The following CSF2RA variants were observed in gnomAD, a reference collection of about 807,000 sequenced individuals.
CSF2RA encodes the protein colony stimulating factor 2 receptor subunit alpha, also known as granulocyte-macrophage colony-stimulating factor receptor subunit alpha.
CSF2RA carries 42 observed loss-of-function variants against 51.6 expected under a neutral mutation model. The observed-to-expected ratio is 0.81, with a 90% CI of 0.64 to 1.05. The LOEUF is 1.05. CSF2RA is among the 50% of genes least tolerant of loss of function. The pLI is 0.00. For missense variants in CSF2RA, 530 were observed against 501.1 expected (o/e 1.06, Z -0.55); for synonymous variants, 222 against 193.0 (o/e 1.15, Z -1.24).
rs2088110664 is a variant in CSF2RA, at chrX:1,269,653, AAAAGAG to A, written c.-91+776_-91+781del. Among the ~76,000 whole-genome samples the A allele has an allele frequency of 4.3e-3, 165 of 38,234 alleles. 4 individuals are homozygous for A. The highest frequency in any genetic ancestry group is 0.011 in the Middle Eastern group (1 of 90). The allele number at this position is 38,234 out of a possible 152,430, so 25.1% of individuals were successfully genotyped here. ...AAAGAAAAAGAAAAAAAAAGAGATG[AAAAGAG>A]ATGAACGCAGAGCTGAAAGGGGGAG... On this transcript the variant is annotated intron_variant, in intron 1 of 12. Transcript: ENST00000381529.
chrX:1,289,879 TTTGTG>T (rs2091197104), intron 6 of CSF2RA, among the ~76,000 whole-genome samples: 1 of 143,710 alleles, frequency 7.0e-6, no homozygotes, highest in African/African-American at 2.5e-5. Flanking sequence ...GTTTTGTGTT[TTTGTG>T]TTTTGTTTTG....
At chrX:1,272,013 G>A (rs1410047163) in intron 1 of CSF2RA, among the ~76,000 whole-genome samples, 2 of 150,874 alleles carry the variant, frequency 1.3e-5, no homozygotes, top group African/African-American at 4.9e-5. Flanking sequence ...GAGTGCACTG[G>A]CATGATCTCG....
In CSF2RA at chrX:1,274,796, C is replaced by T. The variant is rs747112437; in HGVS notation, c.-49C>T. ...CCGTGGAGACAGCAGATCCGAGAAGCGGCGATGTTTGCGTAGAACCCTGTA... is the reference window on the plus strand; with the variant it reads ...CCGTGGAGACAGCAGATCCGAGAAGTGGCGATGTTTGCGTAGAACCCTGTA... On this transcript the variant is annotated 5_prime_UTR_variant, in exon 2 of 13. Transcript: ENST00000381529. 3 of 453,432 alleles carry T rather than the reference C, an allele frequency of 6.6e-6. No homozygotes were observed. Among genetic ancestry groups the T allele is most frequent in the East Asian group, 1.4e-4 (2 of 14,270 alleles). The allele number at this position is 453,432 out of a possible 1,614,324, so 28.1% of individuals were successfully genotyped here.
chrX:1,281,078 C>T (rs868020811), intron 2 of CSF2RA, among the ~76,000 whole-genome samples: 58 of 78,230 alleles, frequency 7.4e-4, no homozygotes, highest in African/African-American at 3.2e-3. Flanking sequence ...TCTCCTCCTC[C>T]TCCTTCTCCT....
downstream of CSF2RA, among the ~76,000 whole-genome samples, chrX:1,311,441 G>GT (rs1178834290): frequency 4.5e-4 from 21 of 46,324 alleles, no homozygotes; most frequent in Admixed American, 1.0e-3. Flanking sequence ...AAACCTGTTT[G>GT]TTTTTTTTTT....
At chrX:1,304,994 A>G (rs1397668687) in intron 11 of CSF2RA, among the ~76,000 whole-genome samples, 11 of 133,012 alleles carry the variant, frequency 8.3e-5, no homozygotes, top group Admixed American at 7.9e-4. Context: ...TCATTTGGTG[A>G]TTTTTTTTTG....
intron 12 of CSF2RA, among the ~76,000 whole-genome samples, chrX:1,306,902 A>T (rs1444096577): frequency 6.6e-6 from 1 of 150,654 alleles, no homozygotes; most frequent in East Asian, 1.9e-4. Context: ...AGAGCAAGGG[A>T]TGGGAGTGGA....
At chrX:1,315,529 G>C in the CSF2RA span, among the ~76,000 whole-genome samples, 40 of 152,090 alleles carry the variant, frequency 2.6e-4, no homozygotes, top group African/African-American at 8.9e-4. Context: ...TCAGCCTCTT[G>C]AGTAGCTGAG....
intron 2 of CSF2RA, among the ~76,000 whole-genome samples, 187 bp downstream of exon 2, chrX:1,275,005 A>G: frequency 6.6e-6 from 1 of 151,382 alleles, no homozygotes; most frequent in South Asian, 2.1e-4. Context: ...GTTCCCTCTG[A>G]GACAGTACAC....
chrX:1,269,252 G>A (rs1295291623), intron 1 of CSF2RA, among the ~76,000 whole-genome samples: 1 of 152,174 alleles, frequency 6.6e-6, no homozygotes, highest in African/African-American at 2.4e-5. Context: ...AAGCTACAGG[G>A]CGTTGGGGTG....
downstream of CSF2RA, among the ~76,000 whole-genome samples, chrX:1,314,982 T>TGTGCCTGCCCAAC (rs1569515181): frequency 1.1e-4 from 4 of 37,622 alleles, no homozygotes; most frequent in South Asian, 9.0e-4. Flanking sequence ...GCCTGCCCAA[T>TGTGCCTGCCCAAC]CGCACTGCAC....
At chrX:1,285,713 AAAAAAAAAAAAAAAAAAAG>A in intron 3 of CSF2RA, 46 bp from the exon 4 acceptor site, 19 of 1,033,292 alleles carry the variant, frequency 1.8e-5, no homozygotes, top group Non-Finnish European at 2.1e-5. Flanking sequence ...AAAAAAAAAA[AAAAAAAAAAAAAAAAAAAG>A]GAAAAGAAAA....
At chrX:1,300,372 A>C in intron 9 of CSF2RA, 119 bp from the exon 10 acceptor site, 1 of 1,293,932 alleles carries the variant, frequency 7.7e-7, no homozygotes, top group East Asian at 2.3e-5. Context: ...GTAGAAAAAA[A>C]AGAAGAAAAA....
chrX:1,316,217 GTAGA>G, the CSF2RA span, among the ~76,000 whole-genome samples: 553 of 124,676 alleles, frequency 4.4e-3, 4 homozygotes, highest in African/African-American at 9.8e-3. Context: ...AGATACATAG[GTAGA>G]TAGATAGATG....
chrX:1,268,943 G>T (rs1203704522), intron 1 of CSF2RA, 64 bp downstream of exon 1: 6 of 452,644 alleles, frequency 1.3e-5, no homozygotes, highest in Non-Finnish European at 2.2e-5. Context: ...ACATGTTTCT[G>T]CTGTGTCTGT....
Position 1,284,821 on chromosome X carries a change from T to C in CSF2RA, c.77-957T>C, listed in dbSNP as rs1459547450. 7.2e-5 allele frequency among the ~76,000 whole-genome samples: 11 copies of C among 152,028 alleles called. No homozygotes were observed. The South Asian group carries it at 2.1e-3, about 29-fold the overall frequency. On this transcript the variant is annotated intron_variant, in intron 3 of 12. Coordinates refer to ENST00000381529, the MANE Select transcript of CSF2RA (RefSeq NM_172245.4). The stretch of plus-strand genomic sequence containing the variant: ...CTGGGATTACAGGTACCCGCCACCA[T>C]GTCCACCTAATTTTTTTGTATTTTT...
intron 1 of CSF2RA, among the ~76,000 whole-genome samples, chrX:1,270,357 G>T (rs28390193): frequency 0.86 from 130,885 of 151,714 alleles, 56,779 homozygotes; most frequent in Non-Finnish European, 0.92. Context: ...CTCCCATCTC[G>T]GCCTCCCGAG....
chrX:1,319,526 G>A, the CSF2RA span, among the ~76,000 whole-genome samples: 4 of 148,930 alleles, frequency 2.7e-5, no homozygotes, highest in East Asian at 2.0e-4. Context: ...GGCCTCAAGC[G>A]ATCCACCCTC....
intron 12 of CSF2RA, among the ~76,000 whole-genome samples, chrX:1,306,735 A>G (rs1324662605): frequency 6.6e-6 from 1 of 151,786 alleles, no homozygotes; most frequent in East Asian, 1.9e-4. Context: ...AGAGAGACAA[A>G]GACAGAGAGA....
Sources: gnomAD v4.1 joint callset for allele counts (sites outside exome capture counted in the v4.1 genomes callset) on GRCh38, gnomAD v4.1.1 for gene constraint, MANE v1.5 for transcripts, NCBI Gene and HGNC (gene_info 2026-07-23, HGNC 2026-07-21) for gene names.